The following CRYBG1 variants were observed in gnomAD, a reference collection of about 807,000 sequenced individuals.
The protein encoded by CRYBG1 is crystallin beta-gamma domain containing 1, also known as beta/gamma crystallin domain-containing protein 1.
A neutral mutation model predicts 189.2 loss-of-function variants in CRYBG1; 139 were observed. That is an observed-to-expected ratio of 0.73 (90% CI 0.64 to 0.85). The LOEUF (loss-of-function observed/expected upper bound fraction) is 0.85. CRYBG1 is among the 40% of genes least tolerant of loss of function. The probability of loss-of-function intolerance (pLI) is 0.00; values close to 1 mark genes in which losing one functional copy is unlikely to be tolerated. For missense variants in CRYBG1, 2,611 were observed against 2,675.8 expected, an observed-to-expected ratio of 0.98 and a Z score of 0.53; for synonymous variants, 1,023 against 1,017.1, an observed-to-expected ratio of 1.01 and a Z score of -0.11.
chr6:106,488,193 A>G (rs6902238), intron 2 of CRYBG1, among the ~76,000 whole-genome samples: 18,703 of 152,168 alleles, frequency 0.12, 1,332 homozygotes, highest in East Asian at 0.27. Flanking sequence ...ACATGTGCAG[A>G]TGTGGCAGGC....
At chr6:106,487,391 T>C (rs1772615530) in intron 2 of CRYBG1, among the ~76,000 whole-genome samples, 1 of 152,216 alleles carries the variant, frequency 6.6e-6, no homozygotes, top group Admixed American at 6.5e-5. Context: ...CTTCCATGTG[T>C]TTTTATGATA....
Position 106,512,816 on chromosome 6 carries a change from A to G in CRYBG1, c.1699A>G (p.Ile567Val). 2 of 1,575,328 alleles carry G rather than the reference A, an allele frequency of 1.3e-6. No individual in the cohort carries two copies. The highest frequency in any genetic ancestry group is 1.7e-6 in the Non-Finnish European group (2 of 1,160,214). Reference protein sequence around the residue: ...AESGEEAARAIPRELPVKSSS... With the variant: ...AESGEEAARAVPRELPVKSSS... ...GAGCGGGGAGGAGGCGGCGCGGGCC[A>G]TCCCCCGCGAGCTCCCGGTCAAGAG... The change falls in exon 3 of 22, where the codon ATC (isoleucine) becomes GTC (valine). Residue 567 changes from isoleucine to valine, a missense_variant. Around this residue, in one of 3 missense-constraint regions of CRYBG1, gnomAD observed 985 missense variants for 924.4 expected, o/e 1.07. Coordinates refer to ENST00000633556, the MANE Select transcript of CRYBG1 (RefSeq NM_001371242.2).
intron 4 of CRYBG1, among the ~76,000 whole-genome samples, chr6:106,522,786 AC>A (rs1207112063): frequency 6.6e-6 from 1 of 152,198 alleles, no homozygotes; most frequent in African/African-American, 2.4e-5. Flanking sequence ...GGCTTTTACT[AC>A]AATCCTGTCA....
At chr6:106,560,738 TAAATG>T in intron 18 of CRYBG1, 60 bp from the exon 19 acceptor site, 5 of 1,547,270 alleles carry the variant, frequency 3.2e-6, no homozygotes, top group Non-Finnish European at 4.4e-6. Context: ...ATTCTAAAAA[TAAATG>T]TAATTGGGGT....
chr6:106,419,057 G>A (rs1771078520), intron 1 of CRYBG1, among the ~76,000 whole-genome samples: 1 of 152,174 alleles, frequency 6.6e-6, no homozygotes, highest in African/African-American at 2.4e-5. Context: ...CATGTTGTCT[G>A]CCCCTTACTG....
At chr6:106,375,879 A>G (rs964557688) in intron 1 of CRYBG1, among the ~76,000 whole-genome samples, 1 of 152,218 alleles carries the variant, frequency 6.6e-6, no homozygotes, top group African/African-American at 2.4e-5. Context: ...TTTTTCCTAT[A>G]TACATGTACC....
chr6:106,512,415 C>A lies in CRYBG1; in HGVS notation c.1298C>A (p.Ala433Glu), dbSNP rs748264514. The change falls in exon 3 of 22, where the codon GCG becomes GAG. Residue 433 changes from alanine to glutamate, a missense_variant. Ala to Glu is a moderately radical substitution (Grantham distance 107, BLOSUM62 -1). Around this residue, in one of 3 missense-constraint regions of CRYBG1, gnomAD observed 985 missense variants for 924.4 expected, o/e 1.07. Transcript: ENST00000633556. ...CAGAAATCCACCGACTCCCCCGGCGCGGACGCCGAGCTCCCTGAGAGCGCT... is the reference window on the plus strand; with the variant it reads ...CAGAAATCCACCGACTCCCCCGGCGAGGACGCCGAGCTCCCTGAGAGCGCT... ...GSQKSTDSPG[A>E]DAELPESAAR... is the part of the protein sequence containing the mutation. 1 of 1,608,462 alleles carries A rather than the reference C, an allele frequency of 6.2e-7. No homozygotes were observed.
chr6:106,454,772 A>G (rs1771851398), intron 2 of CRYBG1: 1 of 152,254 alleles, frequency 6.6e-6, no homozygotes, highest in African/African-American at 2.4e-5. Flanking sequence ...ACGTTGTAAC[A>G]ACATTTCTTA....
chr6:106,545,801 C>T (rs1774255747), intron 13 of CRYBG1, among the ~76,000 whole-genome samples: 1 of 152,178 alleles, frequency 6.6e-6, no homozygotes, highest in East Asian at 1.9e-4. Flanking sequence ...GCTTCAGCCT[C>T]CCAAGTAGTT....
intron 9 of CRYBG1, chr6:106,541,229 G>A (rs1049953527): frequency 2.0e-6 from 1 of 489,766 alleles, no homozygotes; most frequent in South Asian, 1.5e-5. Context: ...TGCAGAAGCC[G>A]AAGACAGTGG....
chr6:106,561,541 T>TA, intron 20 of CRYBG1, 41 bp downstream of exon 20: 1 of 1,585,288 alleles, frequency 6.3e-7, no homozygotes, highest in Non-Finnish European at 8.6e-7. Flanking sequence ...ATGGCTTTGC[T>TA]AGGAGGTGAC....
At chr6:106,411,207 A>G (rs116597378) in intron 1 of CRYBG1, among the ~76,000 whole-genome samples, 110 of 152,322 alleles carry the variant, frequency 7.2e-4, no homozygotes, top group African/African-American at 2.5e-3. Context: ...CATGCTTTCT[A>G]CCACAAGCTG....
chr6:106,389,973 T>C (rs940453822), intron 1 of CRYBG1, among the ~76,000 whole-genome samples: 33 of 152,086 alleles, frequency 2.2e-4, no homozygotes, highest in African/African-American at 7.7e-4. Context: ...AAAGGATACT[T>C]TTTGTGTAAA....
intron 1 of CRYBG1, among the ~76,000 whole-genome samples, chr6:106,426,976 C>CT (rs919514566): frequency 6.6e-6 from 1 of 151,950 alleles, no homozygotes; most frequent in Non-Finnish European, 1.5e-5. Flanking sequence ...TCCAGGTTTC[C>CT]TTTTTTTTCT....
chr6:106,521,500 G>A (rs769481114), intron 4 of CRYBG1, 47 bp downstream of exon 4: 5 of 1,502,694 alleles, frequency 3.3e-6, no homozygotes, highest in Non-Finnish European at 4.5e-6. Context: ...TTTAAAGCAA[G>A]GGAAGAGAAG....
At chr6:106,495,819 T>TAAAA (rs3040745) in intron 2 of CRYBG1, among the ~76,000 whole-genome samples, 7 of 128,442 alleles carry the variant, frequency 5.4e-5, no homozygotes, top group South Asian at 2.6e-4. Flanking sequence ...TTTCCTTGAG[T>TAAAA]AAAAAAAAAA....
intron 13 of CRYBG1, 112 bp downstream of exon 13, chr6:106,545,045 C>T: frequency 1.2e-6 from 1 of 846,032 alleles, no homozygotes; most frequent in Non-Finnish European, 1.8e-6. Context: ...ATCTCAACAG[C>T]TTAACATTAA....
At chr6:106,476,355 A>C (rs939468603) in intron 2 of CRYBG1, among the ~76,000 whole-genome samples, 1 of 152,202 alleles carries the variant, frequency 6.6e-6, no homozygotes, top group Non-Finnish European at 1.5e-5. Context: ...ATCTGGGGCA[A>C]CTCATTCACA....
chr6:106,398,679 T>C (rs1371888795), intron 1 of CRYBG1, among the ~76,000 whole-genome samples: 2 of 152,320 alleles, frequency 1.3e-5, no homozygotes, highest in South Asian at 2.1e-4. Context: ...AGCTTCTCAG[T>C]GCTGGAATGT....
Sources: allele counts gnomAD v4.1 joint callset (sites outside exome capture counted in the v4.1 genomes callset), GRCh38; gene constraint gnomAD v4.1.1; regional missense constraint gnomAD v4.1.1; transcripts MANE v1.5; gene names NCBI Gene and HGNC (gene_info 2026-07-23, HGNC 2026-07-21).